Variants in KIF2A observed in about 807,000 individuals in gnomAD.
The protein encoded by KIF2A is kinesin family member 2A.
KIF2A carries 22 observed loss-of-function variants against 100.2 expected under a neutral mutation model. The ratio of observed to expected loss-of-function variants is 0.22; its 90% CI spans 0.16 to 0.31. The LOEUF is 0.31. Ranked by LOEUF, KIF2A falls within the 10% of genes least tolerant of loss-of-function variation. The pLI, the probability that KIF2A is intolerant of heterozygous loss-of-function variation, is 1.00. For synonymous variants in KIF2A, 268 were observed against 285.9 expected (o/e 0.94, Z 0.63); for missense variants, 495 against 898.7 (o/e 0.55, Z 5.74).
At position 62,387,108 on chromosome 5, in the gene KIF2A, A is replaced by C. The variant is rs1561286402; in HGVS notation, c.*1539A>C. On this transcript the variant is annotated 3_prime_UTR_variant, in exon 21 of 21. Coordinates refer to ENST00000407818, the MANE Select transcript of KIF2A (RefSeq NM_001098511.3). ...GAAAGATCCTAATACAATTGTGAAA[A>C]GCTCTGTAAACATGAAATCTAAAAC... is the stretch of plus-strand genomic sequence containing the variant. 1.3e-5 allele frequency: 2 copies of C among 152,240 alleles called. No individual in the cohort carries two copies. Among genetic ancestry groups the C allele is most frequent in the Non-Finnish European group, 2.9e-5 (2 of 68,040 alleles). 9.4% of individuals were successfully genotyped at this position (152,240 alleles called of 1,614,324 possible).
At chr5:62,344,290 G>T (rs910171941) in intron 1 of KIF2A, among the ~76,000 whole-genome samples, 2 of 151,146 alleles carry the variant, frequency 1.3e-5, no homozygotes, top group African/African-American at 4.9e-5. Flanking sequence ...GTTGCAGTGA[G>T]CCGAGCGAGA....
intron 1 of KIF2A, among the ~76,000 whole-genome samples, chr5:62,335,743 T>TA (rs977553708): frequency 6.6e-6 from 1 of 152,154 alleles, no homozygotes; most frequent in Admixed American, 6.5e-5. Context: ...AATATTTTAA[T>TA]AAAAAATTGA....
chr5:62,349,983 T>C, intron 3 of KIF2A, 83 bp from the exon 4 acceptor site: 2 of 822,026 alleles, frequency 2.4e-6, no homozygotes, highest in Non-Finnish European at 1.9e-6. Flanking sequence ...TGCCTACTTT[T>C]GTTTAATTGA....
chr5:62,372,381 G>A lies in KIF2A; in HGVS notation c.1647-57G>A, dbSNP rs1025371853. On this transcript the variant is annotated intron_variant, in intron 16 of 20. Coordinates refer to ENST00000407818, the MANE Select transcript of KIF2A (RefSeq NM_001098511.3). ...AATACTAAATGAAAATGTGCAATGT[G>A]CATTGCTGTCTTTCAAGAGCATTTT... The A allele has an allele frequency of 1.4e-5, 12 of 835,522 alleles. No homozygotes were observed. The Admixed American group carries it at 1.7e-4, about 12-fold the overall frequency. 51.8% of individuals were successfully genotyped at this position (835,522 alleles called of 1,614,324 possible). A position where few individuals can be genotyped will look rare whatever the true frequency, so the allele number is the denominator to read the frequency against.
intron 1 of KIF2A, among the ~76,000 whole-genome samples, chr5:62,342,334 C>T (rs1461708445): frequency 2.0e-5 from 3 of 152,144 alleles, no homozygotes; most frequent in African/African-American, 4.8e-5. Context: ...ACTCTTCATT[C>T]CCACTACCAG....
chr5:62,318,197 C>T (rs543838046), intron 1 of KIF2A, among the ~76,000 whole-genome samples: 1 of 152,266 alleles, frequency 6.6e-6, no homozygotes, highest in South Asian at 2.1e-4. Flanking sequence ...ATTCCCCTGC[C>T]TCAGCCTCCT....
In KIF2A at chr5:62,338,306, C is replaced by T. The variant is rs144020687; in HGVS notation, c.65-8824C>T. ...AAGGTTTTGTAAAATTTTATTTATT[C>T]GAGTCGGAGTCTTGCTGTGTCACCC... is the stretch of plus-strand genomic sequence containing the variant. On this transcript the variant is annotated intron_variant, in intron 1 of 20. Transcript: ENST00000407818. 2.2e-4 allele frequency among the ~76,000 whole-genome samples: 34 copies of T among 152,182 alleles called. No homozygotes were observed. The East Asian group carries it at 5.4e-3, about 24-fold the overall frequency.
chr5:62,333,426 G>A (rs1421521261), intron 1 of KIF2A, among the ~76,000 whole-genome samples: 1 of 152,170 alleles, frequency 6.6e-6, no homozygotes, highest in Non-Finnish European at 1.5e-5. Context: ...TGTCAGGAAG[G>A]AACGGGAGGA....
chr5:62,367,682 C>G (rs1741143073), intron 16 of KIF2A, among the ~76,000 whole-genome samples: 1 of 152,166 alleles, frequency 6.6e-6, no homozygotes, highest in Non-Finnish European at 1.5e-5. Flanking sequence ...TTACAGACTA[C>G]TAAAGCAGTT....
chr5:62,339,834 CTG>C (rs983881607), intron 1 of KIF2A, among the ~76,000 whole-genome samples: 1 of 148,280 alleles, frequency 6.7e-6, no homozygotes, highest in African/African-American at 2.5e-5. Flanking sequence ...GAGAAGTAAA[CTG>C]TTTAGATTTC....
intron 16 of KIF2A, 43 bp from the exon 17 acceptor site, chr5:62,372,395 C>G (rs200194356): frequency 1.9e-6 from 2 of 1,074,410 alleles, no homozygotes; most frequent in Admixed American, 2.0e-5. Context: ...TGCTGTCTTT[C>G]AAGAGCATTT....
chr5:62,379,278 A>G (rs965320950), intron 19 of KIF2A, among the ~76,000 whole-genome samples: 1 of 152,164 alleles, frequency 6.6e-6, no homozygotes, highest in Admixed American at 6.5e-5. Context: ...AATTCTCTAT[A>G]TCATTCCTCT....
At position 62,306,454 on chromosome 5, in the gene KIF2A, T is replaced by A; in HGVS notation, c.-19T>A. 1 of 1,514,646 alleles carries A rather than the reference T, an allele frequency of 6.6e-7. No individual in the cohort carries two copies. The highest frequency in any genetic ancestry group is 1.2e-5 in the South Asian group (1 of 82,276). The allele number at this position is 1,514,646 out of a possible 1,614,324, so 93.8% of individuals were successfully genotyped here. On this transcript the variant is annotated 5_prime_UTR_variant, in exon 1 of 21. Transcript: ENST00000407818. ...CGGTCCCCCTCCCTCGGCCCGCTGC[T>A]GCTGCTCCAGATGAGGTGATGGCAA... is the stretch of plus-strand genomic sequence containing the variant.
intron 1 of KIF2A, among the ~76,000 whole-genome samples, chr5:62,310,629 T>A (rs760453868): frequency 3.2e-4 from 48 of 152,176 alleles, no homozygotes; most frequent in Non-Finnish European, 5.7e-4. Flanking sequence ...TAATTGAAAT[T>A]GAGTGATCTG....
At chr5:62,323,807 G>T (rs924004119) in intron 1 of KIF2A, among the ~76,000 whole-genome samples, 1 of 152,116 alleles carries the variant, frequency 6.6e-6, no homozygotes, top group Non-Finnish European at 1.5e-5. Flanking sequence ...GGAGATCGAG[G>T]TGGGTGGATC....
intron 1 of KIF2A, among the ~76,000 whole-genome samples, chr5:62,312,407 C>G (rs1745599210): frequency 1.3e-5 from 2 of 152,214 alleles, no homozygotes; most frequent in African/African-American, 4.8e-5. Context: ...CCCGTTCTTT[C>G]TAGTCAGAAG....
At chr5:62,360,043 G>A (rs247274) in intron 9 of KIF2A, among the ~76,000 whole-genome samples, 37,108 of 151,346 alleles carry the variant, frequency 0.25, 4,626 homozygotes, top group Middle Eastern at 0.31. Flanking sequence ...CCAGGCTGGA[G>A]TGCAGTGGCA....
chr5:62,343,678 G>C (rs1267016636), intron 1 of KIF2A, among the ~76,000 whole-genome samples: 1 of 152,178 alleles, frequency 6.6e-6, no homozygotes, highest in Non-Finnish European at 1.5e-5. Context: ...CAGATAAGTT[G>C]GAAGCAGGAA....
chr5:62,331,775 A>AC (rs397765133), intron 1 of KIF2A, among the ~76,000 whole-genome samples: 8 of 151,228 alleles, frequency 5.3e-5, no homozygotes, highest in East Asian at 1.9e-4. Flanking sequence ...AAAAAAAAAA[A>AC]CAACATAGAG....
Sources: allele counts gnomAD v4.1 joint callset (sites outside exome capture counted in the v4.1 genomes callset), GRCh38; gene constraint gnomAD v4.1.1; transcripts MANE v1.5; gene names NCBI Gene and HGNC (gene_info 2026-07-23, HGNC 2026-07-21).